Variants in MRAP observed in about 807,000 individuals in gnomAD.
MRAP encodes melanocortin 2 receptor accessory protein.
Under a neutral mutation model 8.7 loss-of-function variants are expected in MRAP, and 8 were observed. The ratio of observed to expected loss-of-function variants is 0.92; its 90% CI spans 0.54 to 1.66. MRAP has a LOEUF of 1.66. Among genes scored for constraint, MRAP ranks in the 40% most tolerant of loss-of-function variants. The pLI is 0.00. For missense variants in MRAP, 237 were observed against 217.1 expected (o/e 1.09, Z -0.58); for synonymous variants, 95 against 95.5 (o/e 1.00, Z 0.03).
At chr21:32,300,931 CGT>C (rs1280460065) in intron 1 of MRAP, among the ~76,000 whole-genome samples, 13 of 151,036 alleles carry the variant, frequency 8.6e-5, no homozygotes, top group African/African-American at 3.2e-4. Flanking sequence ...CATGATATAT[CGT>C]GTATGTCATA....
At chr21:32,305,805 C>T (rs977393909) in intron 1 of MRAP, among the ~76,000 whole-genome samples, 2 of 151,910 alleles carry the variant, frequency 1.3e-5, no homozygotes, top group South Asian at 4.2e-4. Flanking sequence ...CCACAGACAA[C>T]CACCAAGAAA....
At chr21:32,300,633 G>T (rs145079790) in intron 1 of MRAP, among the ~76,000 whole-genome samples, 1 of 135,890 alleles carries the variant, frequency 7.4e-6, no homozygotes, top group Non-Finnish European at 1.6e-5. Flanking sequence ...TGTCAGATGC[G>T]TCACACGTCC....
downstream of MRAP, chr21:32,314,728 C>T: frequency 6.6e-7 from 1 of 1,510,408 alleles, no homozygotes; most frequent in Non-Finnish European, 9.2e-7. Context: ...ACCTACAGGC[C>T]CGAGTTTATC....
At chr21:32,302,335 G>C (rs2032313766) in intron 1 of MRAP, among the ~76,000 whole-genome samples, 1 of 152,172 alleles carries the variant, frequency 6.6e-6, no homozygotes, top group Non-Finnish European at 1.5e-5. Context: ...AGTCCTTGAA[G>C]GTAATTCCAA....
At chr21:32,303,487 T>A (rs1258621279) in intron 1 of MRAP, among the ~76,000 whole-genome samples, 1 of 152,244 alleles carries the variant, frequency 6.6e-6, no homozygotes, top group African/African-American at 2.4e-5. Flanking sequence ...GAACCATTCC[T>A]GTCACTCCGC....
chr21:32,310,132 C>T (rs144610735), intron 2 of MRAP, among the ~76,000 whole-genome samples: 14 of 152,340 alleles, frequency 9.2e-5, no homozygotes, highest in Admixed American at 4.6e-4. Flanking sequence ...GCCTCCACCA[C>T]GCCCAGCTCC....
chr21:32,297,502 C>T (rs374524589), upstream of MRAP, among the ~76,000 whole-genome samples: 13 of 152,250 alleles, frequency 8.5e-5, no homozygotes, highest in East Asian at 2.5e-3. Context: ...TGGAAAAATC[C>T]GTGCCCTTTC....
chr21:32,296,474 T>C (rs1601093778), upstream of MRAP, among the ~76,000 whole-genome samples: 1 of 152,154 alleles, frequency 6.6e-6, no homozygotes, highest in East Asian at 1.9e-4. Context: ...ACATGTAGAG[T>C]CATGTGTCAC....
chr21:32,310,017 C>T (rs1048582124), intron 2 of MRAP, among the ~76,000 whole-genome samples: 2 of 152,216 alleles, frequency 1.3e-5, no homozygotes, highest in South Asian at 2.1e-4. Context: ...GAGGGATAAA[C>T]GAGTGATGTC....
chr21:32,314,511 C>T (rs778506666), downstream of MRAP: 38 of 1,572,878 alleles, frequency 2.4e-5, no homozygotes, highest in African/African-American at 1.5e-4. Flanking sequence ...CATCTCTCTT[C>T]GTTTTCATAA....
At chr21:32,307,095 T>G (rs1180402841) in intron 2 of MRAP, among the ~76,000 whole-genome samples, 2 of 152,092 alleles carry the variant, frequency 1.3e-5, no homozygotes, top group African/African-American at 2.4e-5. Context: ...CTCAAAAACA[T>G]CATGCTAAGT....
At chr21:32,294,405 G>A (rs894374636), upstream of MRAP, among the ~76,000 whole-genome samples, 9 of 152,160 alleles carry the variant, frequency 5.9e-5, no homozygotes, top group South Asian at 4.1e-4. Context: ...ATGAGCCGCC[G>A]CACCCGGACA....
chr21:32,308,120 C>G (rs1395430199), intron 2 of MRAP, among the ~76,000 whole-genome samples: 1 of 152,208 alleles, frequency 6.6e-6, no homozygotes, highest in Non-Finnish European at 1.5e-5. Flanking sequence ...CACCTGTAAT[C>G]CCCGCACTTT....
intron 1 of MRAP, among the ~76,000 whole-genome samples, chr21:32,303,207 C>T (rs2032330639): frequency 6.6e-6 from 1 of 152,096 alleles, no homozygotes; most frequent in Admixed American, 6.6e-5. Context: ...TGGTCTCGAA[C>T]TCCTGACCTT....
downstream of MRAP, chr21:32,312,355 G>A (rs1255706759): frequency 8.4e-7 from 1 of 1,183,640 alleles, no homozygotes; most frequent in East Asian, 5.5e-5. Context: ...TATCAGCCCT[G>A]AGTTCACCTG....
downstream of MRAP, chr21:32,314,661 C>T (rs368891123): frequency 2.9e-5 from 47 of 1,612,750 alleles, no homozygotes; most frequent in Non-Finnish European, 3.7e-5. Context: ...TGACGAGGCA[C>T]TGGATGGGCC....
upstream of MRAP, among the ~76,000 whole-genome samples, chr21:32,298,435 G>A (rs182148470): frequency 1.2e-4 from 19 of 152,266 alleles, no homozygotes; most frequent in Admixed American, 1.0e-3. Context: ...GTTCACGGCT[G>A]GCATCACTCG....
At chr21:32,300,845 G>C (rs562302581) in intron 1 of MRAP, among the ~76,000 whole-genome samples, 1 of 148,844 alleles carries the variant, frequency 6.7e-6, no homozygotes, top group African/African-American at 2.5e-5. Flanking sequence ...TATGTCATGC[G>C]CCCTATGTCA....
chr21:32,292,672 G>C (rs960920988), intron 1 of MRAP, among the ~76,000 whole-genome samples: 7 of 151,874 alleles, frequency 4.6e-5, no homozygotes, highest in African/African-American at 1.7e-4. Flanking sequence ...GGCCAGGCTG[G>C]TCTCGAACTC....
Sources: gnomAD v4.1 joint callset for allele counts (sites outside exome capture counted in the v4.1 genomes callset) on GRCh38, gnomAD v4.1.1 for gene constraint, MANE v1.5 for transcripts, NCBI Gene and HGNC (gene_info 2026-07-23, HGNC 2026-07-21) for gene names.